The following NPL variants were observed in gnomAD, a reference collection of about 807,000 sequenced individuals.
NPL encodes the protein N-acetylneuraminate lyase.
NPL carries 32 observed loss-of-function variants against 41.1 expected under a neutral mutation model. That is an observed-to-expected ratio of 0.78 (90% CI 0.59 to 1.05). NPL has a LOEUF of 1.05. Ranked by LOEUF, NPL falls within the 50% of genes least tolerant of loss-of-function variation. The pLI, the probability that NPL is intolerant of heterozygous loss-of-function variation, is 0.00. For synonymous variants in NPL, 128 were observed against 134.9 expected, an observed-to-expected ratio of 0.95 and a Z score of 0.35; for missense variants, 321 against 378.4, an observed-to-expected ratio of 0.85 and a Z score of 1.26.
intron 5 of NPL, chr1:182,806,573 C>A: frequency 6.5e-7 from 1 of 1,530,682 alleles, no homozygotes; most frequent in Non-Finnish European, 8.7e-7. Flanking sequence ...GGTCACTTGG[C>A]TCTTCCACTG....
intron 8 of NPL, among the ~76,000 whole-genome samples, chr1:182,818,056 A>C (rs564670827): frequency 5.8e-4 from 88 of 152,300 alleles, no homozygotes; most frequent in African/African-American, 2.1e-3. Context: ...CCTCATCCTG[A>C]GGCAATCTAG....
chr1:182,796,803 G>A (rs1452968792), intron 3 of NPL, among the ~76,000 whole-genome samples: 3 of 152,128 alleles, frequency 2.0e-5, no homozygotes, highest in South Asian at 2.1e-4. Flanking sequence ...TTGGGAGGCC[G>A]AGGTGGGCGG....
At chr1:182,821,714 A>C (rs560689163) in intron 10 of NPL, among the ~76,000 whole-genome samples, 1 of 152,310 alleles carries the variant, frequency 6.6e-6, no homozygotes, top group Admixed American at 6.5e-5. Context: ...CCCTATTTTC[A>C]TGGTGCTCCA....
chr1:182,819,109 C>T (rs1022858079), intron 10 of NPL, among the ~76,000 whole-genome samples: 2 of 151,902 alleles, frequency 1.3e-5, no homozygotes, highest in Non-Finnish European at 2.9e-5. Flanking sequence ...CACTTGAGGT[C>T]AGGAGTTCAA....
intron 3 of NPL, among the ~76,000 whole-genome samples, chr1:182,803,084 T>C (rs977188881): frequency 6.6e-6 from 1 of 152,336 alleles, no homozygotes; most frequent in South Asian, 2.1e-4. Context: ...AAAATTCTTA[T>C]AATATTAAGA....
chr1:182,826,626 T>C (rs1056940808), intron 12 of NPL: 1 of 152,218 alleles, frequency 6.6e-6, no homozygotes, highest in African/African-American at 2.4e-5. Context: ...CTTTCGTGAT[T>C]TTTGCACATT....
chr1:182,826,792 A>G (rs1044316565), intron 12 of NPL: 2 of 152,186 alleles, frequency 1.3e-5, no homozygotes, highest in African/African-American at 4.8e-5. Flanking sequence ...TAAAAGCTTG[A>G]TGTGTGTAGT....
At chr1:182,808,852 G>A (rs1260362355) in intron 5 of NPL, among the ~76,000 whole-genome samples, 1 of 151,886 alleles carries the variant, frequency 6.6e-6, no homozygotes, top group Non-Finnish European at 1.5e-5. Context: ...CCAGCCACTT[G>A]GGAGGCTGAG....
rs112149132 is a variant in NPL at position 182,812,698 on chromosome 1, A to C, written c.288+485A>C. On this transcript the variant is annotated intron_variant, in intron 6 of 12. Coordinates refer to ENST00000367553, the MANE Select transcript of NPL (RefSeq NM_030769.3). ...TTATAAATTTGTCATACCACCCTTCAGCACCGTTGTGGAATTTTTTTTTTC... is the reference window on the plus strand; with the variant it reads ...TTATAAATTTGTCATACCACCCTTCCGCACCGTTGTGGAATTTTTTTTTTC... Among the ~76,000 whole-genome samples the C allele has an allele frequency of 3.8e-3, 575 of 152,258 alleles. 3 individuals are homozygous for C. The highest frequency in any genetic ancestry group is 0.013 in the African/African-American group (542 of 41,538).
intron 2 of NPL, among the ~76,000 whole-genome samples, chr1:182,793,720 T>G (rs1666578976): frequency 6.6e-6 from 1 of 152,156 alleles, no homozygotes; most frequent in African/African-American, 2.4e-5. Flanking sequence ...AAGACAGGCT[T>G]GTTTTAGGTG....
chr1:182,810,087 A>G (rs894206260), intron 5 of NPL: 2 of 152,108 alleles, frequency 1.3e-5, no homozygotes, highest in Non-Finnish European at 2.9e-5. Context: ...CTAGCCAAGA[A>G]CCCCTGGAGG....
rs769814034 is a variant in NPL, at chr1:182,803,780, A to G, written c.142+9A>G. On this transcript the variant is annotated intron_variant, in intron 4 of 12. Coordinates refer to ENST00000367553, the MANE Select transcript of NPL (RefSeq NM_030769.3). The stretch of plus-strand genomic sequence containing the variant: ...AGTGAAGAACATTTTTGGTAAGTCA[A>G]CTCTGGGGATGTCGCTGCATGTCTC... The G allele has an allele frequency of 5.0e-6, 8 of 1,589,262 alleles. No individual in the cohort carries two copies. In the South Asian group the frequency reaches 5.5e-5, roughly 11 times the overall value.
At chr1:182,807,942 G>A (rs1351873046) in intron 5 of NPL, among the ~76,000 whole-genome samples, 2 of 149,996 alleles carry the variant, frequency 1.3e-5, no homozygotes, top group Non-Finnish European at 3.0e-5. Context: ...CAGGGAAGTA[G>A]GCAGAGACAG....
At chr1:182,813,152 CAAA>C (rs60905476) in intron 6 of NPL, among the ~76,000 whole-genome samples, 7 of 56,972 alleles carry the variant, frequency 1.2e-4, no homozygotes, top group Admixed American at 2.0e-4. Flanking sequence ...GACTCCATCT[CAAA>C]AAAAAAAAAA....
chr1:182,802,209 T>C (rs946149365), intron 3 of NPL, among the ~76,000 whole-genome samples: 7 of 152,204 alleles, frequency 4.6e-5, no homozygotes, highest in Non-Finnish European at 7.3e-5. Flanking sequence ...TGTTAGGATA[T>C]GGAGGCATGT....
chr1:182,820,971 T>C (rs1335350406), intron 10 of NPL, among the ~76,000 whole-genome samples: 1 of 152,238 alleles, frequency 6.6e-6, no homozygotes. Flanking sequence ...GTCAACATAA[T>C]CTATAAGCAA....
chr1:182,803,350 G>T (rs761023743), intron 3 of NPL, among the ~76,000 whole-genome samples: 2 of 152,170 alleles, frequency 1.3e-5, no homozygotes, highest in African/African-American at 2.4e-5. Context: ...CCCTAAAAGG[G>T]CAAAAGATGT....
chr1:182,798,945 T>C (rs75781829), intron 3 of NPL, among the ~76,000 whole-genome samples: 2,024 of 152,252 alleles, frequency 0.013, 44 homozygotes, highest in African/African-American at 0.045. Flanking sequence ...CTGAGAGATA[T>C]GTATAAAAGG....
chr1:182,792,125 C>CACGT lies in NPL; in HGVS notation c.-71-104_-71-101dup, dbSNP rs1377630477. On this transcript the variant is annotated intron_variant, in intron 1 of 12. Coordinates refer to ENST00000367553, the MANE Select transcript of NPL (RefSeq NM_030769.3). ...GCAAGACTTCATGGAGAGCACTGAACACGTACTCACTATGTGCCTAGCATT... is the reference window on the plus strand; with the variant it reads ...GCAAGACTTCATGGAGAGCACTGAACACGTACGTACTCACTATGTGCCTAGCATT... 2.6e-5 allele frequency: 4 copies of CACGT among 152,328 alleles called. No homozygotes were observed. In the East Asian group the frequency reaches 5.8e-4, roughly 22 times the overall value. The allele number at this position is 152,328 out of a possible 1,614,324, so 9.4% of individuals were successfully genotyped here.
Sources: gnomAD v4.1 joint callset for allele counts (sites outside exome capture counted in the v4.1 genomes callset) on GRCh38, gnomAD v4.1.1 for gene constraint, MANE v1.5 for transcripts, NCBI Gene and HGNC (gene_info 2026-07-23, HGNC 2026-07-21) for gene names.